Variants in THNSL1 observed in about 807,000 individuals in gnomAD.
The protein encoded by THNSL1 is threonine synthase-like 1.
THNSL1 carries 48 observed loss-of-function variants against 50.4 expected under a neutral mutation model. The ratio of observed to expected loss-of-function variants is 0.95; its 90% confidence interval spans 0.76 to 1.21. The LOEUF is 1.21. Among genes scored for constraint, THNSL1 ranks in the 50% most tolerant of loss-of-function variants. THNSL1 has a pLI of 0.00. For missense variants in THNSL1, 896 were observed against 871.7 expected (o/e 1.03, Z -0.35); for synonymous variants, 309 against 306.1 (o/e 1.01, Z -0.10).
the THNSL1 span, chr10:24,984,354 A>T: frequency 1.5e-5 from 24 of 1,567,474 alleles, 1 homozygote; most frequent in South Asian, 2.6e-4. Context: ...CAGTTTTCAA[A>T]GTTGTGCTGT....
chr10:24,964,141 A>T, the THNSL1 span, among the ~76,000 whole-genome samples: 1 of 152,214 alleles, frequency 6.6e-6, no homozygotes, highest in Non-Finnish European at 1.5e-5. Flanking sequence ...AATTGTAACC[A>T]TCAACAATGT....
the THNSL1 span, chr10:24,995,828 G>A: frequency 1.9e-6 from 3 of 1,611,830 alleles, no homozygotes; most frequent in Admixed American, 5.0e-5. Flanking sequence ...GTCTTCAATG[G>A]CACAGCAGGC....
chr10:25,024,084 C>T lies in THNSL1; in HGVS notation c.861C>T (p.Thr287=). 2 of 1,614,142 alleles carry T rather than the reference C, an allele frequency of 1.2e-6. No homozygotes were observed. The highest frequency in any genetic ancestry group is 1.7e-6 in the Non-Finnish European group (2 of 1,180,008). Reference sequence around the variant, plus strand: ...AGTGGAAAAGCCTAGTAGGAGCAACCTACGTAGAAAGAGCACAGATACTGT... The same window carrying T: ...AGTGGAAAAGCCTAGTAGGAGCAACTTACGTAGAAAGAGCACAGATACTGT... ...CGEWKSLVGA[T]YVERAQILLE... The change falls in exon 3 of 3, where the codon ACC becomes ACT. Residue 287 remains threonine, a synonymous_variant. Coordinates refer to ENST00000376356, the MANE Select transcript of THNSL1 (RefSeq NM_024838.5).
intron 1 of THNSL1, among the ~76,000 whole-genome samples, chr10:25,020,514 C>G (rs886484504): frequency 6.6e-6 from 1 of 151,990 alleles, no homozygotes; most frequent in African/African-American, 2.4e-5. Flanking sequence ...TGCCTCTAAT[C>G]CCAGCACTTT....
chr10:25,024,426 A>T lies in THNSL1; in HGVS notation c.1203A>T (p.Ile401=), dbSNP rs1440091822. 1 of 1,613,948 alleles carries T rather than the reference A, an allele frequency of 6.2e-7. No homozygotes were observed. Among genetic ancestry groups the T allele is most frequent in the East Asian group, 2.2e-5 (1 of 44,902 alleles). ...SRLNKNDKQR[I]AVVAFFPENG... ...TAAATAAGAATGATAAGCAAAGGAT[A>T]GCTGTGGTTGCATTTTTTCCTGAGA... Residue 401 remains isoleucine, a synonymous_variant, in exon 3 of 3, where the codon ATA becomes ATT. Transcript: ENST00000376356.
chr10:24,990,641 TA>T, the THNSL1 span: 18 of 1,580,566 alleles, frequency 1.1e-5, no homozygotes, highest in Non-Finnish European at 1.5e-5. Flanking sequence ...AAGTAATCAA[TA>T]TTTTGTATGC....
chr10:24,957,166 T>C, the THNSL1 span, among the ~76,000 whole-genome samples: 1 of 152,206 alleles, frequency 6.6e-6, no homozygotes, highest in Non-Finnish European at 1.5e-5. Flanking sequence ...CCTCCCCACC[T>C]TTCACCTGAC....
the THNSL1 span, among the ~76,000 whole-genome samples, chr10:24,976,132 C>A: frequency 6.6e-6 from 1 of 152,118 alleles, no homozygotes; most frequent in East Asian, 1.9e-4. Context: ...TGGGTTAGAA[C>A]GACTGCTCCT....
At chr10:25,015,865 A>G, upstream of THNSL1, 3 of 1,604,710 alleles carry the variant, frequency 1.9e-6, no homozygotes, top group South Asian at 3.4e-5. Flanking sequence ...CATACCTAGG[A>G]GGCTGGGGAG....
the THNSL1 span, among the ~76,000 whole-genome samples, chr10:24,975,272 T>G: frequency 2.0e-5 from 3 of 152,234 alleles, no homozygotes; most frequent in Non-Finnish European, 4.4e-5. Flanking sequence ...TCCTCAGTAT[T>G]GGCCTCAGAA....
the THNSL1 span, among the ~76,000 whole-genome samples, chr10:24,987,376 C>T: frequency 1.3e-5 from 2 of 152,112 alleles, no homozygotes; most frequent in Non-Finnish European, 2.9e-5. Context: ...ACTGCTCATG[C>T]CTGCAATCCC....
the THNSL1 span, among the ~76,000 whole-genome samples, chr10:25,004,671 G>T: frequency 9.9e-5 from 15 of 152,116 alleles, no homozygotes; most frequent in Non-Finnish European, 1.8e-4. Context: ...TTAGACCTTT[G>T]TCAGATGCAT....
At chr10:24,993,376 C>T in the THNSL1 span, among the ~76,000 whole-genome samples, 4 of 152,130 alleles carry the variant, frequency 2.6e-5, no homozygotes, top group South Asian at 4.1e-4. Context: ...TCACTACAAC[C>T]CTGTGATAAA....
At chr10:25,011,107 T>C in the THNSL1 span, among the ~76,000 whole-genome samples, 1 of 151,296 alleles carries the variant, frequency 6.6e-6, no homozygotes, top group Non-Finnish European at 1.5e-5. Flanking sequence ...CCAGCACCTG[T>C]TGTTTCCTGA....
chr10:25,013,571 A>C (rs963852385), upstream of THNSL1, among the ~76,000 whole-genome samples: 4 of 152,270 alleles, frequency 2.6e-5, no homozygotes, highest in African/African-American at 9.6e-5. Flanking sequence ...TGGACTGTTC[A>C]GACCATAACT....
chr10:25,007,856 C>T, the THNSL1 span, among the ~76,000 whole-genome samples: 2 of 152,008 alleles, frequency 1.3e-5, no homozygotes, highest in Non-Finnish European at 2.9e-5. Context: ...TCCCCTCACC[C>T]ATATGCCTGA....
At chr10:25,002,283 C>T in the THNSL1 span, among the ~76,000 whole-genome samples, 3 of 152,192 alleles carry the variant, frequency 2.0e-5, no homozygotes, top group Non-Finnish European at 4.4e-5. Flanking sequence ...GTGCTATCAA[C>T]CAAAGACTTT....
At chr10:24,993,017 G>A in the THNSL1 span, among the ~76,000 whole-genome samples, 1 of 152,166 alleles carries the variant, frequency 6.6e-6, no homozygotes, top group African/African-American at 2.4e-5. Flanking sequence ...AGAATGACTG[G>A]GCGCAGTGGC....
Position 25,023,746 on chromosome 10 carries a change from G to A in THNSL1, c.523G>A (p.Gly175Ser), listed in dbSNP as rs1210136463. The A allele has an allele frequency of 6.2e-6, 10 of 1,613,880 alleles. No individual in the cohort carries two copies. The highest frequency in any genetic ancestry group is 8.5e-6 in the Non-Finnish European group (10 of 1,179,982). ...ATTAATGAAGACAGATAGGATTGTA[G>A]GTCAGAATTCTGGAACATCTATGAA... ...LKLMKTDRIV[G>S]QNSGTSMKDL... is the part of the protein sequence containing the mutation. Residue 175 changes from glycine (G) to serine (S), a missense_variant, in exon 3 of 3, where the codon GGT becomes AGT. By Grantham distance (56) the Gly-to-Ser change is moderately conservative (BLOSUM62 0). Transcript: ENST00000376356.
Sources: allele counts gnomAD v4.1 joint callset (sites outside exome capture counted in the v4.1 genomes callset), GRCh38; gene constraint gnomAD v4.1.1; transcripts MANE v1.5; gene names NCBI Gene and HGNC (gene_info 2026-07-23, HGNC 2026-07-21).